FAT3: variants seen among roughly 807,000 people sequenced by gnomAD.
FAT3 encodes FAT atypical cadherin 3.
In FAT3, 95 loss-of-function variants were observed where a neutral mutation model predicts 310.2. The observed-to-expected ratio is 0.31, with a 90% confidence interval of 0.26 to 0.36. The LOEUF is 0.36. FAT3 is among the 10% of genes least tolerant of loss of function. FAT3 has a pLI of 1.00. For missense variants in FAT3, 5,408 were observed against 5,715.6 expected, an observed-to-expected ratio of 0.95 and a Z score of 1.74; for synonymous variants, 2,314 against 2,192.9, an observed-to-expected ratio of 1.06 and a Z score of -1.54.
chr11:92,518,963 G>T (rs1165965947), intron 2 of FAT3, among the ~76,000 whole-genome samples: 1 of 152,032 alleles, frequency 6.6e-6, no homozygotes, highest in Non-Finnish European at 1.5e-5. Flanking sequence ...CAAGATGCCA[G>T]TTCTTACCAA....
intron 4 of FAT3, among the ~76,000 whole-genome samples, chr11:92,704,930 T>C (rs1944224095): frequency 6.6e-6 from 1 of 152,164 alleles, no homozygotes; most frequent in African/African-American, 2.4e-5. Flanking sequence ...GAAAAACCTC[T>C]GTCTAAATTT....
intron 12 of FAT3, 130 bp from the exon 13 acceptor site, chr11:92,809,713 T>C: frequency 1.5e-6 from 1 of 673,770 alleles, no homozygotes; most frequent in Non-Finnish European, 2.5e-6. Flanking sequence ...TTTTAAAGTA[T>C]GGGACACTTG....
chr11:92,426,934 G>A (rs1287755963), intron 2 of FAT3, among the ~76,000 whole-genome samples: 1 of 152,090 alleles, frequency 6.6e-6, no homozygotes, highest in Admixed American at 6.6e-5. Context: ...TAGCTTAATG[G>A]GTATAGCATT....
At chr11:92,771,819 A>G (rs1250202032) in intron 6 of FAT3, among the ~76,000 whole-genome samples, 1 of 152,028 alleles carries the variant, frequency 6.6e-6, no homozygotes, top group Non-Finnish European at 1.5e-5. Context: ...AAAAACGACT[A>G]AGAAAAAGCA....
intron 2 of FAT3, among the ~76,000 whole-genome samples, chr11:92,433,078 C>T (rs536144429): frequency 2.0e-5 from 3 of 152,200 alleles, no homozygotes; most frequent in South Asian, 2.1e-4. Flanking sequence ...GATGGATGCC[C>T]CTCCCTCCAT....
chr11:92,631,628 A>G (rs140696364), intron 3 of FAT3, among the ~76,000 whole-genome samples: 3,725 of 152,238 alleles, frequency 0.024, 146 homozygotes, highest in African/African-American at 0.084. Context: ...CTCCCCAGCC[A>G]TGCAGAACTG....
At chr11:92,717,303 C>T (rs200673487) in intron 4 of FAT3, among the ~76,000 whole-genome samples, 3 of 152,260 alleles carry the variant, frequency 2.0e-5, no homozygotes, top group East Asian at 3.9e-4. Flanking sequence ...AGCAATATCC[C>T]TTGTTAAATA....
intron 3 of FAT3, among the ~76,000 whole-genome samples, chr11:92,675,172 T>G (rs1285556625): frequency 6.6e-6 from 1 of 152,164 alleles, no homozygotes; most frequent in Non-Finnish European, 1.5e-5. Context: ...TGAGAAACAT[T>G]TATCGTCTGT....
At chr11:92,826,846 G>C (rs1948117146) in intron 13 of FAT3, among the ~76,000 whole-genome samples, 1 of 152,192 alleles carries the variant, frequency 6.6e-6, no homozygotes, top group Admixed American at 6.5e-5. Flanking sequence ...TCAGAGACAA[G>C]ACCCTGCAGA....
At chr11:92,491,681 T>A (rs1952601973) in intron 2 of FAT3, among the ~76,000 whole-genome samples, 1 of 152,078 alleles carries the variant, frequency 6.6e-6, no homozygotes, top group Admixed American at 6.6e-5. Context: ...TTGAGTTTCT[T>A]TTCTCCAACA....
At chr11:92,685,008 T>C (rs1052430766) in intron 3 of FAT3, among the ~76,000 whole-genome samples, 11 of 152,198 alleles carry the variant, frequency 7.2e-5, no homozygotes, top group African/African-American at 2.7e-4. Context: ...CTTTGTCTTA[T>C]CCTCCATCTT....
intron 3 of FAT3, among the ~76,000 whole-genome samples, chr11:92,530,118 T>A (rs1453457359): frequency 1.3e-5 from 2 of 152,200 alleles, no homozygotes; most frequent in African/African-American, 4.8e-5. Flanking sequence ...TTTAATCAGC[T>A]GCATATAACA....
intron 3 of FAT3, among the ~76,000 whole-genome samples, chr11:92,696,573 A>G (rs1392970144): frequency 6.6e-6 from 1 of 152,148 alleles, no homozygotes; most frequent in Non-Finnish European, 1.5e-5. Context: ...AGCCCACACC[A>G]TATTCTCTTT....
intron 21 of FAT3, among the ~76,000 whole-genome samples, chr11:92,860,878 G>A (rs1046481838): frequency 6.6e-6 from 1 of 152,202 alleles, no homozygotes; most frequent in Non-Finnish European, 1.5e-5. Context: ...AAGTTTAAAA[G>A]TTGGTTACTT....
rs531111573 is a variant in FAT3, at chr11:92,315,791, G to C, written c.-17-36305G>C. Among the ~76,000 whole-genome samples the C allele has an allele frequency of 4.6e-5, 7 of 151,722 alleles. No individual in the cohort carries two copies. In the East Asian group the frequency reaches 1.4e-3, roughly 30 times the overall value. On this transcript the variant is annotated intron_variant, in intron 1 of 27. Transcript: ENST00000525166. ...CCCACCTTGGCCTCCCAAAGTGCCA[G>C]GATTATAGACGTGAGCCACCATGCC... is the stretch of plus-strand genomic sequence containing the variant.
intron 1 of FAT3, among the ~76,000 whole-genome samples, chr11:92,280,964 C>CT (rs1283608252): frequency 6.6e-6 from 1 of 152,130 alleles, no homozygotes; most frequent in Non-Finnish European, 1.5e-5. Flanking sequence ...AATTCCACCT[C>CT]TAAGAATCTG....
intron 2 of FAT3, among the ~76,000 whole-genome samples, chr11:92,385,459 C>T (rs928911511): frequency 1.3e-5 from 2 of 152,164 alleles, no homozygotes; most frequent in African/African-American, 2.4e-5. Context: ...TCTCTGCCTC[C>T]TGGGTTCTAG....
chr11:92,393,380 A>G (rs1949791728), intron 2 of FAT3, among the ~76,000 whole-genome samples: 1 of 152,158 alleles, frequency 6.6e-6, no homozygotes, highest in Admixed American at 6.5e-5. Flanking sequence ...AGCAGCAGCA[A>G]TTATGCCACC....
chr11:92,310,382 T>C (rs1353996543), intron 1 of FAT3, among the ~76,000 whole-genome samples: 1 of 152,182 alleles, frequency 6.6e-6, no homozygotes, highest in Non-Finnish European at 1.5e-5. Flanking sequence ...CATTACTAAT[T>C]ATGCTTCTTG....
Sources: allele counts gnomAD v4.1 joint callset (sites outside exome capture counted in the v4.1 genomes callset), GRCh38; gene constraint gnomAD v4.1.1; transcripts MANE v1.5; gene names NCBI Gene and HGNC (gene_info 2026-07-23, HGNC 2026-07-21).